NFYC: variants seen among roughly 807,000 people sequenced by gnomAD.
The protein encoded by NFYC is CAAT box DNA-binding protein subunit C.
Under a neutral mutation model 53.1 loss-of-function variants are expected in NFYC, and 25 were observed. The observed-to-expected ratio is 0.47, with a 90% CI of 0.34 to 0.66. NFYC has a LOEUF of 0.66. Ranked by LOEUF, NFYC falls within the 30% of genes least tolerant of loss-of-function variation. The probability of loss-of-function intolerance (pLI) is 0.01; values close to 1 mark genes in which losing one functional copy is unlikely to be tolerated. For missense variants in NFYC, 260 were observed against 422.7 expected (o/e 0.62, Z 3.38); for synonymous variants, 145 against 152.6 (o/e 0.95, Z 0.37).
chr1:40,717,309 G>C (rs888969282), intron 1 of NFYC, among the ~76,000 whole-genome samples: 1 of 152,098 alleles, frequency 6.6e-6, no homozygotes, highest in African/African-American at 2.4e-5. Context: ...GCACACCCCT[G>C]TTTTCTGAGT....
intron 8 of NFYC, 191 bp downstream of exon 8, chr1:40,766,894 T>A: frequency 6.4e-7 from 1 of 1,551,976 alleles, no homozygotes; most frequent in Admixed American, 2.0e-5. Context: ...TCAAAGTGTT[T>A]TCTCTTACCA....
At chr1:40,749,264 T>TA (rs1375996068) in intron 3 of NFYC, among the ~76,000 whole-genome samples, 1 of 152,210 alleles carries the variant, frequency 6.6e-6, no homozygotes. Context: ...CCCTGCCACT[T>TA]ACTGGCTCTA....
chr1:40,749,038 A>G (rs1455941132), intron 3 of NFYC, among the ~76,000 whole-genome samples: 2 of 152,174 alleles, frequency 1.3e-5, no homozygotes, highest in Non-Finnish European at 2.9e-5. Flanking sequence ...CACATCAAGA[A>G]AGTTTATATG....
chr1:40,769,868 A>G (rs1253552216), intron 9 of NFYC, among the ~76,000 whole-genome samples: 1 of 152,170 alleles, frequency 6.6e-6, no homozygotes, highest in Non-Finnish European at 1.5e-5. Context: ...AGTCATTTTC[A>G]GTCCATGCGA....
intron 4 of NFYC, among the ~76,000 whole-genome samples, 197 bp from the exon 5 acceptor site, chr1:40,752,954 T>C (rs1009120321): frequency 6.6e-6 from 1 of 152,108 alleles, no homozygotes; most frequent in Non-Finnish European, 1.5e-5. Context: ...ATGTATCTCT[T>C]TCTTTTTTGT....
intron 2 of NFYC, among the ~76,000 whole-genome samples, chr1:40,742,481 A>G (rs1645402867): frequency 6.6e-6 from 1 of 152,212 alleles, no homozygotes; most frequent in Non-Finnish European, 1.5e-5. Context: ...TCAGAAGTTA[A>G]AAGAGAATTA....
At chr1:40,752,654 A>T (rs1645980722) in intron 4 of NFYC, among the ~76,000 whole-genome samples, 1 of 152,134 alleles carries the variant, frequency 6.6e-6, no homozygotes, top group South Asian at 2.1e-4. Flanking sequence ...AGAATTCCCA[A>T]ATAAAAATCA....
chr1:40,745,936 T>G (rs1645586169), intron 2 of NFYC, among the ~76,000 whole-genome samples: 1 of 152,194 alleles, frequency 6.6e-6, no homozygotes, highest in African/African-American at 2.4e-5. Context: ...CTCAAACTCC[T>G]GGCCTCAAGC....
At chr1:40,693,364 A>G (rs979423508) in intron 1 of NFYC, among the ~76,000 whole-genome samples, 1 of 152,220 alleles carries the variant, frequency 6.6e-6, no homozygotes, top group Non-Finnish European at 1.5e-5. Context: ...TGTGAGGGCC[A>G]TGGAAACACA....
chr1:40,724,254 G>A (rs532540681), intron 1 of NFYC, among the ~76,000 whole-genome samples: 2 of 152,170 alleles, frequency 1.3e-5, no homozygotes, highest in African/African-American at 4.8e-5. Context: ...TATAATCCCA[G>A]CTGCTTGGGA....
chr1:40,742,416 T>A (rs1645400063), intron 2 of NFYC, among the ~76,000 whole-genome samples: 1 of 152,312 alleles, frequency 6.6e-6, no homozygotes, highest in South Asian at 2.1e-4. Context: ...CAAGTTTGAT[T>A]GCCAACAAAG....
rs115636948 is a variant in NFYC, at chr1:40,737,180, G to A, written c.-8-1656G>A. Among the ~76,000 whole-genome samples the A allele has an allele frequency of 3.1e-3, 461 of 150,892 alleles. 4 individuals are homozygous for A. The highest frequency in any genetic ancestry group is 0.011 in the African/African-American group (448 of 41,124). ...AATCCCAGACATTTCTGGTCCCCAG[G>A]CATTTCAGAATTTCAGATAAGGGAT... On this transcript the variant is annotated intron_variant, in intron 1 of 9. Transcript: ENST00000447388.
At chr1:40,759,872 A>G (rs1215933108) in intron 6 of NFYC, among the ~76,000 whole-genome samples, 2 of 152,140 alleles carry the variant, frequency 1.3e-5, no homozygotes, top group Non-Finnish European at 2.9e-5. Context: ...GATAGATAGT[A>G]AACACATCCT....
intron 1 of NFYC, among the ~76,000 whole-genome samples, chr1:40,734,074 T>A (rs1450521097): frequency 2.0e-5 from 3 of 152,048 alleles, no homozygotes; most frequent in Non-Finnish European, 4.4e-5. Context: ...AGAGACAGAG[T>A]CTCACTGTGT....
intron 5 of NFYC, among the ~76,000 whole-genome samples, chr1:40,755,058 C>G (rs561909606): frequency 6.6e-6 from 1 of 152,292 alleles, no homozygotes; most frequent in South Asian, 2.1e-4. Context: ...GAAGTTTTCC[C>G]AGGCTTCAAA....
chr1:40,767,266 G>T (rs558667887), intron 8 of NFYC: 26 of 394,012 alleles, frequency 6.6e-5, no homozygotes, highest in South Asian at 6.1e-4. Flanking sequence ...AAGATGGGGG[G>T]TGCTGGTCAA....
intron 1 of NFYC, among the ~76,000 whole-genome samples, chr1:40,704,495 A>G (rs900843121): frequency 2.0e-5 from 3 of 152,212 alleles, no homozygotes; most frequent in African/African-American, 7.2e-5. Flanking sequence ...AGTCCACAGT[A>G]ATGACAGGTA....
At chr1:40,752,377 A>G (rs189185198) in intron 4 of NFYC, among the ~76,000 whole-genome samples, 8 of 152,262 alleles carry the variant, frequency 5.3e-5, no homozygotes, top group East Asian at 3.9e-4. Context: ...AAAGTACACA[A>G]ATCTTAACTA....
At chr1:40,769,666 G>A (rs1218191128) in intron 9 of NFYC, among the ~76,000 whole-genome samples, 1 of 152,176 alleles carries the variant, frequency 6.6e-6, no homozygotes, top group Non-Finnish European at 1.5e-5. Context: ...ACTGAACCCT[G>A]GAGATGGGAA....
Sources: gnomAD v4.1 joint callset for allele counts (sites outside exome capture counted in the v4.1 genomes callset) on GRCh38, gnomAD v4.1.1 for gene constraint, MANE v1.5 for transcripts, NCBI Gene and HGNC (gene_info 2026-07-23, HGNC 2026-07-21) for gene names.